CLEC20A: variants seen among roughly 807,000 people sequenced by gnomAD.
CLEC20A encodes putative C-type lectin domain family 20 member A.
chr1:178,486,668 G>A (rs866998633), intron 5 of CLEC20A: 20 of 398,606 alleles, frequency 5.0e-5, no homozygotes, highest in Middle Eastern at 1.2e-3. Flanking sequence ...GGGGCATCGC[G>A]GGTGGCATCG....
upstream of CLEC20A, chr1:178,499,623 C>T (rs1254975342): frequency 6.6e-6 from 1 of 152,238 alleles, no homozygotes; most frequent in Non-Finnish European, 1.5e-5. Context: ...CCTTTTTCCT[C>T]AGCTTGCAGA....
chr1:178,496,846 C>G (rs1160214311), intron 1 of CLEC20A, 54 bp downstream of exon 1: 1 of 398,612 alleles, frequency 2.5e-6, no homozygotes. Flanking sequence ...CCCTCAGCCT[C>G]TAGCCCGGGG....
At chr1:178,486,055 G>A (rs540992020) in intron 5 of CLEC20A, among the ~76,000 whole-genome samples, 86 of 152,276 alleles carry the variant, frequency 5.6e-4, no homozygotes, top group Non-Finnish European at 7.4e-5. Context: ...CTTGCATAAG[G>A]CCACACAGTA....
rs562307391 is a variant in CLEC20A, at chr1:178,494,632, G to A, written c.219C>T (p.Phe73=). The change falls in exon 2 of 8, where the codon TTC becomes TTT. Residue 73 remains phenylalanine, a synonymous_variant. Transcript: ENST00000623247. ...ATCTCAGGCCAGAAGTGCTTGCGTC[G>A]AAGAAGAGGCCAATCCAAGCCGGGG... 2.8e-5 allele frequency: 11 copies of A among 399,416 alleles called. No homozygotes were observed. The South Asian group carries it at 3.8e-4, about 14-fold the overall frequency. 24.7% of individuals were successfully genotyped at this position (399,416 alleles called of 1,614,324 possible).
upstream of CLEC20A, among the ~76,000 whole-genome samples, chr1:178,498,483 A>G (rs1167944017): frequency 6.6e-6 from 1 of 152,186 alleles, no homozygotes; most frequent in Non-Finnish European, 1.5e-5. Flanking sequence ...CCAGCTACTC[A>G]GTAGGCTGAG....
exon 2 of CLEC20A, chr1:178,494,535 C>T (rs1280050886): frequency 7.5e-6 from 3 of 399,348 alleles, no homozygotes; most frequent in African/African-American, 4.1e-5. Context: ...TACAGCGTGG[C>T]ACAGAAGCCC....
intron 5 of CLEC20A, chr1:178,484,275 C>A (rs1328212241): frequency 6.6e-6 from 1 of 152,192 alleles, no homozygotes; most frequent in East Asian, 1.9e-4. Flanking sequence ...AATTCTGATA[C>A]CAGAGTGGTA....
At chr1:178,489,342 G>C (rs1649224511) in intron 4 of CLEC20A, among the ~76,000 whole-genome samples, 1 of 152,042 alleles carries the variant, frequency 6.6e-6, no homozygotes, top group Admixed American at 6.5e-5. Flanking sequence ...CTGGGCGACA[G>C]AGCAAGACTC....
chr1:178,481,746 C>T (rs1309552544), intron 7 of CLEC20A: 1 of 152,052 alleles, frequency 6.6e-6, no homozygotes, highest in African/African-American at 2.4e-5. Context: ...TGCTTGAGCC[C>T]AAGAATTGGA....
At chr1:178,482,428 G>T in intron 6 of CLEC20A, 31 bp from the exon 7 acceptor site, 1 of 398,528 alleles carries the variant, frequency 2.5e-6, no homozygotes, top group Non-Finnish European at 4.4e-6. Context: ...TGTTCAGGGG[G>T]ATATTATCCT....
chr1:178,492,220 G>A (rs1048412773), intron 3 of CLEC20A, among the ~76,000 whole-genome samples: 12 of 152,128 alleles, frequency 7.9e-5, no homozygotes, highest in Admixed American at 4.6e-4. Flanking sequence ...AATGTCGGGT[G>A]AGCTGTGAGT....
chr1:178,482,538 CAGA>C (rs2101859727), intron 6 of CLEC20A, 141 bp from the exon 7 acceptor site: 1 of 395,844 alleles, frequency 2.5e-6, no homozygotes, highest in Non-Finnish European at 4.4e-6. Flanking sequence ...AACTGCTGAG[CAGA>C]AGAATGCTCA....
intron 5 of CLEC20A, chr1:178,487,045 G>T (rs1310977880): frequency 2.6e-6 from 1 of 389,026 alleles, no homozygotes. Context: ...CACGGGGCCG[G>T]TGCTGGTCCC....
At chr1:178,488,178 G>A (rs1157941258) in intron 5 of CLEC20A, among the ~76,000 whole-genome samples, 1 of 152,162 alleles carries the variant, frequency 6.6e-6, no homozygotes, top group Non-Finnish European at 1.5e-5. Context: ...CTCCCCCAGG[G>A]CCTCAGCCTC....
In CLEC20A at chr1:178,492,559, G is replaced by A. The variant is rs527654308; in HGVS notation, c.405C>T (p.Asp135=). 5.9e-4 allele frequency: 237 copies of A among 398,630 alleles called. 6 individuals are homozygous for A. In the South Asian group the frequency reaches 0.027, roughly 46 times the overall value. The allele number at this position is 398,630 out of a possible 1,614,324, so 24.7% of individuals were successfully genotyped here. ...GCTTCGTGGAGATGAGGTGCCCGAC[G>A]TCAGGGTCTGTAAAACAGAAACAGA... Residue 135 remains aspartate (D), a synonymous_variant, in exon 3 of 8, where the codon GAC becomes GAT. Coordinates refer to ENST00000623247, the Ensembl canonical transcript of CLEC20A.
chr1:178,487,020 G>A (rs1449618530), intron 5 of CLEC20A: 2 of 392,750 alleles, frequency 5.1e-6, no homozygotes, highest in South Asian at 1.4e-4. Context: ...CTGAAGCCGG[G>A]CCCTGCGAGG....
At chr1:178,484,525 A>G (rs1649085341) in intron 5 of CLEC20A, 1 of 152,020 alleles carries the variant, frequency 6.6e-6, no homozygotes, top group South Asian at 2.1e-4. Context: ...GTCTTTAAAA[A>G]AAAAAAATTA....
At chr1:178,490,430 G>T (rs1201643966) in exon 4 of CLEC20A, 1 of 398,534 alleles carries the variant, frequency 2.5e-6, no homozygotes, top group Admixed American at 4.4e-5. Context: ...CACTGATCTG[G>T]ACCACAGCTG....
At chr1:178,486,784 G>A (rs904602774) in intron 5 of CLEC20A, 6 of 398,602 alleles carry the variant, frequency 1.5e-5, no homozygotes. Context: ...GGACGCCGAG[G>A]GCGCAGGGTG....
Sources: allele counts gnomAD v4.1 joint callset (sites outside exome capture counted in the v4.1 genomes callset), GRCh38; gene constraint gnomAD v4.1.1; transcripts MANE v1.5; gene names NCBI Gene and HGNC (gene_info 2026-07-23, HGNC 2026-07-21).